The following SPECC1L variants were observed in gnomAD, a reference collection of about 807,000 sequenced individuals.
SPECC1L encodes the protein sperm antigen with calponin homology and coiled-coil domains 1 like, also known as cytospin-A.
SPECC1L carries 40 observed loss-of-function variants against 116.8 expected under a neutral mutation model. That is an observed-to-expected ratio of 0.34 (90% CI 0.27 to 0.45). SPECC1L has a LOEUF of 0.45. Among genes scored for constraint, SPECC1L ranks in the 20% least tolerant of loss-of-function variants. The pLI is 1.00. For missense variants in SPECC1L, 1,110 were observed against 1,373.6 expected (o/e 0.81, Z 3.03); for synonymous variants, 504 against 500.6 (o/e 1.01, Z -0.09).
chr22:24,295,870 C>A (rs775362826), intron 2 of SPECC1L, among the ~76,000 whole-genome samples: 52 of 152,222 alleles, frequency 3.4e-4, no homozygotes, highest in Non-Finnish European at 6.6e-4. Flanking sequence ...ATCACTTGAA[C>A]CCGGGAGGCA....
chr22:24,354,667 A>G (rs1408842035), intron 11 of SPECC1L, among the ~76,000 whole-genome samples: 1 of 141,576 alleles, frequency 7.1e-6, no homozygotes, highest in African/African-American at 2.6e-5. Context: ...AGTTCTGGTT[A>G]CTCTTTTTTT....
At chr22:24,321,210 T>C (rs1295944664) in intron 4 of SPECC1L, 78 bp from the exon 5 acceptor site, 21 of 1,265,424 alleles carry the variant, frequency 1.7e-5, no homozygotes, top group Non-Finnish European at 2.1e-5. Flanking sequence ...TCATTACACC[T>C]GGGGCAGGAA....
intron 11 of SPECC1L, among the ~76,000 whole-genome samples, chr22:24,359,696 TCCCACTGAACATC>T (rs1327044807): frequency 6.6e-6 from 1 of 152,112 alleles, no homozygotes; most frequent in Non-Finnish European, 1.5e-5. Context: ...GCTCTTCCCC[TCCCACTGAACATC>T]ACCACAGTGT....
chr22:24,300,594 T>G (rs1165136276), intron 2 of SPECC1L, among the ~76,000 whole-genome samples: 1 of 152,168 alleles, frequency 6.6e-6, no homozygotes, highest in Non-Finnish European at 1.5e-5. Context: ...CCACCAACAG[T>G]GTAAAAGCAT....
intron 14 of SPECC1L, among the ~76,000 whole-genome samples, chr22:24,374,558 G>C (rs555292750): frequency 4.7e-5 from 7 of 148,026 alleles, no homozygotes; most frequent in African/African-American, 1.7e-4. Context: ...CTCACTCATA[G>C]GTGGGAATTG....
rs149597515 is a variant in SPECC1L, at chr22:24,321,582, A to T, written c.602A>T (p.His201Leu). The T allele has an allele frequency of 2.5e-6, 4 of 1,614,230 alleles. No homozygotes were observed. The highest frequency in any genetic ancestry group is 2.5e-6 in the Non-Finnish European group (3 of 1,180,042). The change falls in exon 5 of 17, where the codon CAT becomes CTT. Residue 201 changes from histidine (H) to leucine (L), a missense_variant. This residue lies in a region of SPECC1L where 437 missense variants were observed against 482.6 expected (regional missense o/e 0.91). Coordinates refer to ENST00000314328, the MANE Select transcript of SPECC1L (RefSeq NM_015330.6). Reference sequence around the variant, plus strand: ...AAAACCAAAGACGTAGAAATTTTACATTTGAGAAATGAACTGCGAGACATG... The same window carrying T: ...AAAACCAAAGACGTAGAAATTTTACTTTTGAGAAATGAACTGCGAGACATG... ...LAKTKDVEIL[H>L]LRNELRDMRA...
At chr22:24,368,420 A>G (rs1212490455) in intron 13 of SPECC1L, among the ~76,000 whole-genome samples, 1 of 152,198 alleles carries the variant, frequency 6.6e-6, no homozygotes, top group Non-Finnish European at 1.5e-5. Flanking sequence ...TAAAGTCAAA[A>G]AACAGTGTAC....
intron 2 of SPECC1L, among the ~76,000 whole-genome samples, chr22:24,296,646 T>C (rs1274978002): frequency 6.6e-6 from 1 of 152,254 alleles, no homozygotes; most frequent in African/African-American, 2.4e-5. Flanking sequence ...GCTCCTTCGC[T>C]CCTCTGCTCT....
chr22:24,286,208 A>G (rs1478134381), intron 2 of SPECC1L, among the ~76,000 whole-genome samples: 2 of 152,226 alleles, frequency 1.3e-5, no homozygotes, highest in Admixed American at 1.3e-4. Context: ...ATGGTAGTCT[A>G]TTCTTGACAC....
At chr22:24,348,746 G>C (rs986507434) in intron 11 of SPECC1L, among the ~76,000 whole-genome samples, 2 of 152,226 alleles carry the variant, frequency 1.3e-5, no homozygotes, top group African/African-American at 4.8e-5. Flanking sequence ...CCATGGCCTG[G>C]CTGTTAACTG....
chr22:24,298,304 A>C (rs2049307392), intron 2 of SPECC1L, among the ~76,000 whole-genome samples: 1 of 152,232 alleles, frequency 6.6e-6, no homozygotes, highest in South Asian at 2.1e-4. Context: ...TTTTCAACTT[A>C]CGATATTTTT....
chr22:24,300,405 G>A (rs1601518285), intron 2 of SPECC1L, among the ~76,000 whole-genome samples: 1 of 152,144 alleles, frequency 6.6e-6, no homozygotes, highest in East Asian at 1.9e-4. Context: ...TTGGTTCCAT[G>A]TCTTTGCTAT....
chr22:24,385,509 G>A lies in SPECC1L; in HGVS notation c.3087+16189G>A, dbSNP rs529531828. ...TGAAAGTAAAAGAGTTGGAAAAGAT[G>A]TCCTATGCGAGCACTAACCAAAGGA... is the stretch of plus-strand genomic sequence containing the variant. On this transcript the variant is annotated intron_variant, in intron 14 of 16. Transcript: ENST00000314328. 9.8e-5 allele frequency among the ~76,000 whole-genome samples: 15 copies of A among 152,300 alleles called. No homozygotes were observed. The East Asian group carries it at 2.9e-3, about 29-fold the overall frequency.
chr22:24,394,680 A>G (rs1046977594), intron 14 of SPECC1L, among the ~76,000 whole-genome samples: 5 of 152,214 alleles, frequency 3.3e-5, no homozygotes, highest in African/African-American at 7.2e-5. Context: ...CTAGTCCTTC[A>G]TATCCTTGCC....
At chr22:24,378,825 T>C (rs972125588) in intron 14 of SPECC1L, among the ~76,000 whole-genome samples, 2 of 152,180 alleles carry the variant, frequency 1.3e-5, no homozygotes, top group Non-Finnish European at 2.9e-5. Context: ...CCACTGGTCA[T>C]ACATCACCAT....
chr22:24,296,958 T>C (rs1458538830), intron 2 of SPECC1L, among the ~76,000 whole-genome samples: 85 of 151,460 alleles, frequency 5.6e-4, no homozygotes, highest in Admixed American at 6.6e-5. Flanking sequence ...TTTTTTTTTT[T>C]TTTCTGAGAC....
rs538972717 is a variant in SPECC1L at position 24,383,792 on chromosome 22, A to ATTTTTTTT, written c.3087+14505_3087+14512dup. On this transcript the variant is annotated intron_variant, in intron 14 of 16. Transcript: ENST00000314328. ...GCTGGGATTACAGGCACCCACCACT[A>ATTTTTTTT]TTTTTTTTTTTTTTTTTTTTTTTTT... Among the ~76,000 whole-genome samples the ATTTTTTTT allele has an allele frequency of 8.4e-4, 65 of 77,320 alleles. 5 individuals are homozygous for ATTTTTTTT. The highest frequency in any genetic ancestry group is 1.6e-3 in the African/African-American group (24 of 15,324). The allele number at this position is 77,320 out of a possible 152,430, so 50.7% of individuals were successfully genotyped here.
chr22:24,281,792 T>C (rs1342051697), intron 2 of SPECC1L, among the ~76,000 whole-genome samples: 1 of 152,246 alleles, frequency 6.6e-6, no homozygotes, highest in Non-Finnish European at 1.5e-5. Flanking sequence ...CTTCCTTTAC[T>C]GCACTGGCTA....
chr22:24,340,034 C>T (rs2041140701), intron 10 of SPECC1L, among the ~76,000 whole-genome samples: 1 of 151,974 alleles, frequency 6.6e-6, no homozygotes, highest in African/African-American at 2.4e-5. Flanking sequence ...ATCCACCTGC[C>T]TGGTCCTCCC....
Sources: allele counts gnomAD v4.1 joint callset (sites outside exome capture counted in the v4.1 genomes callset), GRCh38; gene constraint gnomAD v4.1.1; regional missense constraint gnomAD v4.1.1; transcripts MANE v1.5; gene names NCBI Gene and HGNC (gene_info 2026-07-23, HGNC 2026-07-21).